The following CAPSL variants were observed in gnomAD, a reference collection of about 807,000 sequenced individuals.
CAPSL encodes the protein calcyphosine like.
In CAPSL, 17 loss-of-function variants were observed where a neutral mutation model predicts 21.3. That is an observed-to-expected ratio of 0.80 (90% CI 0.55 to 1.20). The LOEUF (loss-of-function observed/expected upper bound fraction) is 1.20, where lower values mean the gene tolerates loss of function less well. CAPSL is among the 50% of genes most tolerant of loss of function. The pLI is 0.00. For missense variants in CAPSL, 289 were observed against 259.3 expected (o/e 1.11, Z -0.79); for synonymous variants, 102 against 89.3 (o/e 1.14, Z -0.80).
In CAPSL at chr5:35,904,322, T is replaced by C; in HGVS notation, c.*223A>G. On this transcript the variant is annotated 3_prime_UTR_variant, in exon 5 of 5. Transcript: ENST00000651391. ...TACAGAGCTCATTTTATTTAAGTCC[T>C]ATTTTAGAACAAAGGAAACAGTCTT... 1 of 566,032 alleles carries C rather than the reference T, an allele frequency of 1.8e-6. No homozygotes were observed. The highest frequency in any genetic ancestry group is 3.1e-6 in the Non-Finnish European group (1 of 318,776). The allele number at this position is 566,032 out of a possible 1,614,324, so 35.1% of individuals were successfully genotyped here.
chr5:35,913,087 C>G (rs201071595), intron 2 of CAPSL, among the ~76,000 whole-genome samples: 21 of 152,102 alleles, frequency 1.4e-4, no homozygotes, highest in Non-Finnish European at 2.6e-4. Context: ...CCAATTCGAT[C>G]AACTGGAAGA....
In CAPSL at chr5:35,910,089, A is replaced by G. The variant is rs1205718852; in HGVS notation, c.316-14T>C. The G allele has an allele frequency of 6.3e-7, 1 of 1,588,188 alleles. No homozygotes were observed. Among genetic ancestry groups the G allele is most frequent in the African/African-American group, 1.4e-5 (1 of 73,798 alleles). Reference sequence around the variant, plus strand: ...GGACATTGGAGGCTACAAAAATAGAAGAATACATACAGAGACATACATAAG... The same window carrying G: ...GGACATTGGAGGCTACAAAAATAGAGGAATACATACAGAGACATACATAAG... On this transcript the variant is annotated splice_polypyrimidine_tract_variant and intron_variant, in intron 3 of 4. Coordinates refer to ENST00000651391, the MANE Select transcript of CAPSL (RefSeq NM_001042625.2).
intron 1 of CAPSL, among the ~76,000 whole-genome samples, chr5:35,937,851 A>G (rs1274188332): frequency 6.8e-6 from 1 of 147,862 alleles, no homozygotes; most frequent in Non-Finnish European, 1.5e-5. Flanking sequence ...AAAAAAAAAC[A>G]GGTAAGAATT....
chr5:35,905,033 G>C (rs546140200), intron 4 of CAPSL, among the ~76,000 whole-genome samples: 2 of 152,258 alleles, frequency 1.3e-5, no homozygotes, highest in East Asian at 3.9e-4. Flanking sequence ...ATGTCCTTGT[G>C]TCAGGGTAAG....
chr5:35,904,985 A>T (rs191785882), intron 4 of CAPSL, among the ~76,000 whole-genome samples: 1 of 152,298 alleles, frequency 6.6e-6, no homozygotes, highest in East Asian at 1.9e-4. Context: ...AACTGTAGTT[A>T]TTTCTGTCTT....
intron 1 of CAPSL, among the ~76,000 whole-genome samples, chr5:35,930,269 G>C (rs1298785250): frequency 6.6e-6 from 1 of 152,148 alleles, no homozygotes; most frequent in African/African-American, 2.4e-5. Flanking sequence ...TCAATAGGCA[G>C]GTTTGTGTAG....
chr5:35,919,170 A>ATATATATAT (rs1554069748), intron 2 of CAPSL, among the ~76,000 whole-genome samples: 4 of 121,274 alleles, frequency 3.3e-5, no homozygotes, highest in Admixed American at 1.7e-4. Flanking sequence ...TAAAAAAAAA[A>ATATATATAT]ATATATATAT....
intron 1 of CAPSL, among the ~76,000 whole-genome samples, chr5:35,926,481 AT>A (rs936146343): frequency 5.3e-5 from 8 of 151,980 alleles, no homozygotes; most frequent in South Asian, 2.1e-4. Context: ...TCCCGCCTGG[AT>A]TTTGCGAATT....
At position 35,910,393 on chromosome 5, in the gene CAPSL, G is replaced by A. The variant is rs778514974; in HGVS notation, c.288C>T (p.Asp96=). ...RFDKDGNGTI[D]FNEFLLTLRP... The stretch of plus-strand genomic sequence containing the variant: ...TTAATGTGAGAAGAAATTCATTGAA[G>A]TCTATTGTTCCATTTCCATCTTTAT... The change falls in exon 3 of 5, where the codon GAC becomes GAT. Residue 96 remains aspartate (D), a synonymous_variant. Transcript: ENST00000651391. The A allele has an allele frequency of 2.5e-6, 4 of 1,613,388 alleles. No individual in the cohort carries two copies. The African/African-American group carries it at 5.3e-5, about 22-fold the overall frequency.
intron 2 of CAPSL, among the ~76,000 whole-genome samples, chr5:35,917,568 G>C (rs1259822989): frequency 1.3e-5 from 2 of 152,124 alleles, no homozygotes; most frequent in African/African-American, 4.8e-5. Flanking sequence ...CCTTTGTAGG[G>C]ACATGGATGA....
chr5:35,913,984 C>T (rs189843486), intron 2 of CAPSL, among the ~76,000 whole-genome samples: 1 of 152,232 alleles, frequency 6.6e-6, no homozygotes, highest in African/African-American at 2.4e-5. Context: ...CAGAGACACA[C>T]ACAGGCTCAC....
chr5:35,909,010 GACTGTT>G (rs1022936944), intron 4 of CAPSL, among the ~76,000 whole-genome samples: 5 of 151,876 alleles, frequency 3.3e-5, no homozygotes, highest in Admixed American at 3.3e-4. Context: ...TGCTGCTGCT[GACTGTT>G]ACTCAAGGGA....
chr5:35,905,905 T>A (rs1561434230), intron 4 of CAPSL, among the ~76,000 whole-genome samples: 1 of 152,228 alleles, frequency 6.6e-6, no homozygotes, highest in Non-Finnish European at 1.5e-5. Context: ...AGCAGGTGGT[T>A]GTGGAATTTA....
chr5:35,926,758 A>G (rs58686567), intron 1 of CAPSL, among the ~76,000 whole-genome samples: 1 of 152,170 alleles, frequency 6.6e-6, no homozygotes, highest in South Asian at 2.1e-4. Context: ...AACCCTAGAG[A>G]TCGTTGATCC....
chr5:35,927,495 G>T (rs1382408535), intron 1 of CAPSL, among the ~76,000 whole-genome samples: 1 of 152,184 alleles, frequency 6.6e-6, no homozygotes, highest in East Asian at 1.9e-4. Context: ...TGTTGATGAG[G>T]CTTGTAGGGC....
intron 4 of CAPSL, among the ~76,000 whole-genome samples, chr5:35,909,497 T>C (rs1373569300): frequency 2.6e-5 from 4 of 152,206 alleles, no homozygotes; most frequent in African/African-American, 9.6e-5. Flanking sequence ...ATATATTTTA[T>C]TATAATCAGT....
In CAPSL at chr5:35,904,533, C is replaced by T. The variant is rs1366679699; in HGVS notation, c.*12G>A. 2 of 1,601,986 alleles carry T rather than the reference C, an allele frequency of 1.2e-6. No homozygotes were observed. ...CATGGCTGTCCCAGGGCCTGGTCCC[C>T]AGGTCATGTGCTTAAAGCTTCCAGG... On this transcript the variant is annotated 3_prime_UTR_variant, in exon 5 of 5. Transcript: ENST00000651391.
intron 2 of CAPSL, among the ~76,000 whole-genome samples, chr5:35,912,035 C>T (rs1738238249): frequency 6.6e-6 from 1 of 152,188 alleles, no homozygotes; most frequent in Non-Finnish European, 1.5e-5. Context: ...TTCCAACAGT[C>T]TTAGCAAACG....
At chr5:35,934,240 C>T (rs6897132) in intron 1 of CAPSL, among the ~76,000 whole-genome samples, 4 of 152,208 alleles carry the variant, frequency 2.6e-5, no homozygotes, top group Non-Finnish European at 5.9e-5. Context: ...CCACTCCTTG[C>T]TCTTGAGCAC....
Sources: gnomAD v4.1 joint callset for allele counts (sites outside exome capture counted in the v4.1 genomes callset) on GRCh38, gnomAD v4.1.1 for gene constraint, MANE v1.5 for transcripts, NCBI Gene and HGNC (gene_info 2026-07-23, HGNC 2026-07-21) for gene names.